The following CDC16 variants were observed in gnomAD, a reference collection of about 807,000 sequenced individuals.
CDC16 encodes the protein cell division cycle protein 16 homolog.
In CDC16, 34 loss-of-function variants were observed where a neutral mutation model predicts 87.0. The observed-to-expected ratio is 0.39, with a 90% CI of 0.30 to 0.52. CDC16 has a LOEUF of 0.52. Ranked by LOEUF, CDC16 falls within the 20% of genes least tolerant of loss-of-function variation. The probability of loss-of-function intolerance (pLI) is 0.74; values close to 1 mark genes in which losing one functional copy is unlikely to be tolerated. For missense variants in CDC16, 653 were observed against 751.9 expected (o/e 0.87, Z 1.54); for synonymous variants, 263 against 260.6 (o/e 1.01, Z -0.09).
At chr13:114,236,559 C>T (rs923955884) in intron 1 of CDC16, 86 bp from the exon 2 acceptor site, 3 of 1,072,916 alleles carry the variant, frequency 2.8e-6, no homozygotes, top group African/African-American at 1.7e-5. Flanking sequence ...TAATATATTA[C>T]ATAGAATTAT....
At chr13:114,259,114 AGG>A (rs1300900289) in intron 13 of CDC16, among the ~76,000 whole-genome samples, 2 of 150,450 alleles carry the variant, frequency 1.3e-5, no homozygotes, top group Non-Finnish European at 3.0e-5. Context: ...AAAAAAAAAA[AGG>A]AATATAAATA....
At chr13:114,270,943 A>G (rs2083594052) in intron 17 of CDC16, among the ~76,000 whole-genome samples, 1 of 121,776 alleles carries the variant, frequency 8.2e-6, no homozygotes, top group South Asian at 2.5e-4. Flanking sequence ...TTTTTTTGAG[A>G]CACAGTCTCT....
chr13:114,272,437 C>CA lies in CDC16; in HGVS notation c.1858dup (p.Thr620AsnfsTer15). 1 of 1,613,440 alleles carries CA rather than the reference C, an allele frequency of 6.2e-7. No homozygotes were observed. Among genetic ancestry groups the CA allele is most frequent in the Non-Finnish European group, 8.5e-7 (1 of 1,179,486 alleles). ...TAGAGACATCTATGTCAGACCACAG[C>CA]ACGTGACTCCAGTCAGTGGTCCTGG... On this transcript the variant is annotated frameshift_variant, in exon 18 of 18. Transcript: ENST00000356221. LOFTEE classifies it high-confidence loss of function.
intron 16 of CDC16, among the ~76,000 whole-genome samples, chr13:114,263,967 A>G (rs975431528): frequency 1.2e-4 from 18 of 152,218 alleles, no homozygotes; most frequent in Non-Finnish European, 2.2e-4. Context: ...CAATGTTTGA[A>G]TTTGAGAAAA....
rs1477568474 is a variant in CDC16 at position 114,272,593 on chromosome 13, C to T, written c.*150C>T. 3.3e-6 allele frequency: 2 copies of T among 609,738 alleles called. No homozygotes were observed. Among genetic ancestry groups the T allele is most frequent in the East Asian group, 2.8e-5 (1 of 35,718 alleles). The allele number at this position is 609,738 out of a possible 1,614,324, so 37.8% of individuals were successfully genotyped here. The stretch of plus-strand genomic sequence containing the variant: ...AGAGACCCGCCTTAAGAGACTGGAT[C>T]GCACACCTTTGCAACAGATGTGTTC... On this transcript the variant is annotated 3_prime_UTR_variant, in exon 18 of 18. Coordinates refer to ENST00000356221, the MANE Select transcript of CDC16 (RefSeq NM_001078645.3).
In CDC16 at chr13:114,236,877, G is replaced by A. The variant is rs759501506; in HGVS notation, c.182G>A (p.Arg61Gln). ...AQYHRAAHAL[R>Q]SRKLDKLYEA... Reference sequence around the variant, plus strand: ...TATCACAGAGCCGCCCATGCACTTCGGTCACGAAAACTGGACAAAGTAAGT... The same window carrying A: ...TATCACAGAGCCGCCCATGCACTTCAGTCACGAAAACTGGACAAAGTAAGT... Residue 61 changes from arginine (R) to glutamine (Q), a missense_variant, in exon 3 of 18, where the codon CGG (arginine) becomes CAG (glutamine). Coordinates refer to ENST00000356221, the MANE Select transcript of CDC16 (RefSeq NM_001078645.3). 2.1e-5 allele frequency: 33 copies of A among 1,591,440 alleles called. No individual in the cohort carries two copies. Among genetic ancestry groups the A allele is most frequent in the Middle Eastern group, 3.3e-4 (2 of 5,996 alleles).
intron 3 of CDC16, 80 bp downstream of exon 3, chr13:114,236,976 C>G: frequency 2.3e-6 from 2 of 855,524 alleles, no homozygotes; most frequent in Non-Finnish European, 3.5e-6. Flanking sequence ...TGGCTTACAC[C>G]TGTAATCCCA....
chr13:114,254,449 C>T (rs927176924), intron 12 of CDC16, among the ~76,000 whole-genome samples: 1 of 152,170 alleles, frequency 6.6e-6, no homozygotes, highest in African/African-American at 2.4e-5. Flanking sequence ...AAACGACCTA[C>T]TTTGAATTAA....
intron 15 of CDC16, 87 bp from the exon 16 acceptor site, chr13:114,262,792 C>G: frequency 7.4e-7 from 1 of 1,347,330 alleles, no homozygotes; most frequent in South Asian, 1.2e-5. Context: ...GACAGCGTTT[C>G]TTGGGTGTTG....
At chr13:114,237,409 C>T (rs1269677601) in intron 3 of CDC16, among the ~76,000 whole-genome samples, 1 of 152,044 alleles carries the variant, frequency 6.6e-6, no homozygotes, top group Non-Finnish European at 1.5e-5. Context: ...TCTGCCTCAG[C>T]CTCCCTAATA....
In CDC16 at chr13:114,257,066, C is replaced by A; in HGVS notation, c.1098-12C>A. ...TTTGGTGTTGAATATGTGAAATTTT[C>A]CAATTTTTTAGGTGTCATTTGCCTA... On this transcript the variant is annotated splice_polypyrimidine_tract_variant and intron_variant, in intron 12 of 17. Transcript: ENST00000356221. The A allele has an allele frequency of 6.6e-7, 1 of 1,512,914 alleles. No homozygotes were observed. 93.7% of individuals were successfully genotyped at this position (1,512,914 alleles called of 1,614,324 possible). A position where few individuals can be genotyped will look rare whatever the true frequency, so the allele number is the denominator to read the frequency against.
chr13:114,270,914 C>CTTTT (rs571053869), intron 17 of CDC16, among the ~76,000 whole-genome samples: 40 of 101,152 alleles, frequency 4.0e-4, no homozygotes, highest in Admixed American at 6.4e-4. Flanking sequence ...AGAGATTTAC[C>CTTTT]TTTTTTTTTT....
At position 114,236,903 on chromosome 13, in the gene CDC16, G is replaced by T. The variant is rs867633645; in HGVS notation, c.201+7G>T. 3 of 1,555,500 alleles carry T rather than the reference G, an allele frequency of 1.9e-6. No individual in the cohort carries two copies. The highest frequency in any genetic ancestry group is 2.6e-6 in the Non-Finnish European group (3 of 1,144,854). ...GTCACGAAAACTGGACAAAGTAAGT[G>T]ATGGTATGAACTTTAAAGCTCTTCA... On this transcript the variant is annotated splice_region_variant and intron_variant, in intron 3 of 17. Transcript: ENST00000356221.
At chr13:114,268,219 A>G (rs1466667176) in intron 17 of CDC16, among the ~76,000 whole-genome samples, 1 of 152,190 alleles carries the variant, frequency 6.6e-6, no homozygotes. Flanking sequence ...GGCTCTCTAG[A>G]GAGGGAAAAG....
chr13:114,238,184 G>A (rs926091393), intron 3 of CDC16, among the ~76,000 whole-genome samples: 2 of 144,974 alleles, frequency 1.4e-5, no homozygotes, highest in African/African-American at 2.7e-5. Context: ...CTCCTCGGAC[G>A]CCCAGCAGTT....
intron 11 of CDC16, among the ~76,000 whole-genome samples, chr13:114,249,602 G>A (rs1483560775): frequency 1.3e-5 from 2 of 152,146 alleles, no homozygotes; most frequent in Non-Finnish European, 2.9e-5. Context: ...ATTATACAGT[G>A]TTCACTGTAT....
Position 114,242,318 on chromosome 13 carries a change from A to G in CDC16, c.541+38A>G, listed in dbSNP as rs572097779. The G allele has an allele frequency of 1.9e-5, 30 of 1,584,566 alleles. No homozygotes were observed. The East Asian group carries it at 3.6e-4, about 19-fold the overall frequency. On this transcript the variant is annotated intron_variant, in intron 6 of 17. Transcript: ENST00000356221. ...AGGCTTTTTTGTTTTATGTTTAGCA[A>G]AATTAATATTGTTTGGATTTTTTGC...
intron 17 of CDC16, among the ~76,000 whole-genome samples, chr13:114,269,767 C>T (rs1047296370): frequency 2.0e-5 from 3 of 152,158 alleles, no homozygotes; most frequent in African/African-American, 2.4e-5. Flanking sequence ...TGCAGGGGCG[C>T]CATCTCGGCT....
In CDC16 at chr13:114,265,198, C is replaced by G. The variant is rs754062932; in HGVS notation, c.1561C>G (p.His521Asp). ...DDTFSVTMLG[H>D]CIEMYIGDSE... The stretch of plus-strand genomic sequence containing the variant: ...TACATTTTCTGTTACAATGCTTGGT[C>G]ATTGCATCGAAATGTACATTGGTGA... The change falls in exon 17 of 18, where the codon CAT becomes GAT. Residue 521 changes from histidine (H) to aspartate (D), a missense_variant. Transcript: ENST00000356221. 6.2e-7 allele frequency: 1 copy of G among 1,612,266 alleles called. No homozygotes were observed. The highest frequency in any genetic ancestry group is 1.3e-5 in the African/African-American group (1 of 74,960).
Sources: allele counts gnomAD v4.1 joint callset (sites outside exome capture counted in the v4.1 genomes callset), GRCh38; gene constraint gnomAD v4.1.1; transcripts MANE v1.5; gene names NCBI Gene and HGNC (gene_info 2026-07-23, HGNC 2026-07-21).